UNC13C: variants seen among roughly 807,000 people sequenced by gnomAD.
The protein encoded by UNC13C is unc-13 homolog C, also known as protein unc-13 homolog C.
A neutral mutation model predicts 245.4 loss-of-function variants in UNC13C; 174 were observed. That is an observed-to-expected ratio of 0.71 (90% CI 0.63 to 0.80). The LOEUF (loss-of-function observed/expected upper bound fraction) is 0.80. Ranked by LOEUF, UNC13C falls within the 30% of genes least tolerant of loss-of-function variation. The pLI is 0.00. For missense variants in UNC13C, 2,829 were observed against 2,602.9 expected (o/e 1.09, Z -1.89); for synonymous variants, 992 against 895.1 (o/e 1.11, Z -1.93).
chr15:54,479,042 T>C (rs950379759), intron 19 of UNC13C, among the ~76,000 whole-genome samples: 1 of 152,068 alleles, frequency 6.6e-6, no homozygotes, highest in Non-Finnish European at 1.5e-5. Flanking sequence ...CTGGCACCAT[T>C]ATTGAAGAGG....
At chr15:54,532,692 A>G (rs1321012778) in intron 25 of UNC13C, among the ~76,000 whole-genome samples, 1 of 152,196 alleles carries the variant, frequency 6.6e-6, no homozygotes, top group Non-Finnish European at 1.5e-5. Context: ...CCTCCACTCA[A>G]ATTAATTCAA....
intron 26 of UNC13C, among the ~76,000 whole-genome samples, chr15:54,542,210 A>T (rs558994104): frequency 1.9e-4 from 29 of 152,066 alleles, no homozygotes; most frequent in Non-Finnish European, 3.4e-4. Context: ...GTTATTTTTC[A>T]TTGTTTTCAA....
intron 24 of UNC13C, 142 bp downstream of exon 24, chr15:54,511,972 A>G (rs1894765820): frequency 8.8e-6 from 6 of 683,660 alleles, no homozygotes; most frequent in Middle Eastern, 2.5e-4. Context: ...AATGTCATTA[A>G]CAACTAAAAT....
chr15:54,394,527 G>T (rs1003769993), intron 18 of UNC13C, among the ~76,000 whole-genome samples: 5 of 150,572 alleles, frequency 3.3e-5, no homozygotes, highest in Admixed American at 6.6e-5. Context: ...GAATAGAGTT[G>T]TGTTTTCTTA....
intron 17 of UNC13C, among the ~76,000 whole-genome samples, chr15:54,382,673 C>A (rs935498436): frequency 4.0e-5 from 6 of 150,536 alleles, no homozygotes; most frequent in African/African-American, 1.5e-4. Context: ...AAGAATAAAT[C>A]TAACCCAAAA....
At chr15:54,328,710 G>A (rs141072638) in intron 14 of UNC13C, among the ~76,000 whole-genome samples, 4 of 151,970 alleles carry the variant, frequency 2.6e-5, no homozygotes, top group African/African-American at 7.2e-5. Context: ...TGCACACTCC[G>A]AGGAGCAACT....
At chr15:54,172,141 A>G (rs2033422894) in intron 4 of UNC13C, among the ~76,000 whole-genome samples, 1 of 152,038 alleles carries the variant, frequency 6.6e-6, no homozygotes, top group Admixed American at 6.6e-5. Flanking sequence ...GGAATGGTTA[A>G]TGAATACAAA....
intron 17 of UNC13C, among the ~76,000 whole-genome samples, chr15:54,339,758 C>A (rs1216794961): frequency 2.0e-5 from 3 of 152,016 alleles, no homozygotes; most frequent in African/African-American, 4.8e-5. Context: ...CCTGCATGTG[C>A]AAGTATCTTT....
In UNC13C at chr15:54,431,073, C is replaced by G. The variant is rs138907873; in HGVS notation, c.4933+16006C>G. Among the ~76,000 whole-genome samples the G allele has an allele frequency of 1.5e-3, 228 of 151,860 alleles. 1 individual carries two copies. Among genetic ancestry groups the G allele is most frequent in the African/African-American group, 5.3e-3 (220 of 41,500 alleles). ...CAAAGTAATTTGTTAAGTCACTACT[C>G]AATCAAGAATATTCAGAATAATTAT... On this transcript the variant is annotated intron_variant, in intron 19 of 32. Transcript: ENST00000260323.
At chr15:54,294,719 C>G (rs2037385619) in intron 11 of UNC13C, among the ~76,000 whole-genome samples, 1 of 152,104 alleles carries the variant, frequency 6.6e-6, no homozygotes, top group African/African-American at 2.4e-5. Flanking sequence ...TCAGTTTCTG[C>G]AAAGGCACGA....
At chr15:54,265,239 A>G (rs1201139841) in intron 9 of UNC13C, 116 bp from the exon 10 acceptor site, 7 of 691,608 alleles carry the variant, frequency 1.0e-5, no homozygotes, top group Admixed American at 3.8e-5. Context: ...AATGAAAGCA[A>G]TGGGGATGCA....
chr15:54,209,196 C>T lies in UNC13C; in HGVS notation c.3072-25834C>T, dbSNP rs367992505. ...GGATTTCAGAGTAGAACTGGAAGCACGATGGGGTAAATGTCTTAGAAACCC... is the reference window on the plus strand; with the variant it reads ...GGATTTCAGAGTAGAACTGGAAGCATGATGGGGTAAATGTCTTAGAAACCC... On this transcript the variant is annotated intron_variant, in intron 4 of 32. Coordinates refer to ENST00000260323, the MANE Select transcript of UNC13C (RefSeq NM_001080534.3). 7.9e-5 allele frequency among the ~76,000 whole-genome samples: 12 copies of T among 152,178 alleles called. 1 individual carries two copies. The East Asian group carries it at 9.7e-4, about 12-fold the overall frequency.
chr15:54,555,364 A>G, intron 28 of UNC13C, 68 bp from the exon 29 acceptor site: 2 of 1,292,578 alleles, frequency 1.5e-6, no homozygotes, highest in Non-Finnish European at 2.2e-6. Context: ...AATACAGATT[A>G]TGTTTTCAAG....
chr15:54,608,145 C>A (rs983717445), intron 30 of UNC13C, among the ~76,000 whole-genome samples: 4 of 151,690 alleles, frequency 2.6e-5, no homozygotes, highest in African/African-American at 9.7e-5. Context: ...CAAAAAAAAA[C>A]ACTTATATTT....
chr15:54,537,124 C>G (rs921357915), intron 26 of UNC13C, among the ~76,000 whole-genome samples: 2 of 152,034 alleles, frequency 1.3e-5, no homozygotes, highest in Admixed American at 6.6e-5. Flanking sequence ...ACAACTTTAG[C>G]AAAGTTTCAG....
chr15:53,845,153 G>A, the UNC13C span, among the ~76,000 whole-genome samples: 60 of 151,818 alleles, frequency 4.0e-4, 1 homozygote, highest in South Asian at 0.012. Context: ...GTGAAACCTC[G>A]TCTCTACTAA....
chr15:54,269,192 C>A lies in UNC13C; in HGVS notation c.3818+3696C>A, dbSNP rs1596116650. ...GCAATAAGCTGAAGTAATCATAGGG[C>A]TCACTTTCTTTCTTTCTTTGTTTTT... On this transcript the variant is annotated intron_variant, in intron 10 of 32. Coordinates refer to ENST00000260323, the MANE Select transcript of UNC13C (RefSeq NM_001080534.3). 1.3e-5 allele frequency among the ~76,000 whole-genome samples: 2 copies of A among 152,186 alleles called. 1 individual carries two copies. Among genetic ancestry groups the A allele is most frequent in the South Asian group, 4.1e-4 (2 of 4,824 alleles).
the UNC13C span, among the ~76,000 whole-genome samples, chr15:53,938,570 C>G: frequency 6.6e-6 from 1 of 152,090 alleles, no homozygotes; most frequent in Non-Finnish European, 1.5e-5. Flanking sequence ...TTCTCATGGC[C>G]AAATGATACT....
the UNC13C span, among the ~76,000 whole-genome samples, chr15:53,955,083 G>A: frequency 2.0e-5 from 3 of 152,162 alleles, no homozygotes; most frequent in Non-Finnish European, 4.4e-5. Context: ...AGTAGCATAA[G>A]TGCCAGAATA....
Sources: gnomAD v4.1 joint callset for allele counts (sites outside exome capture counted in the v4.1 genomes callset) on GRCh38, gnomAD v4.1.1 for gene constraint, MANE v1.5 for transcripts, NCBI Gene and HGNC (gene_info 2026-07-23, HGNC 2026-07-21) for gene names.